Variants in ASTN2 observed in about 807,000 individuals in gnomAD.
The protein encoded by ASTN2 is astrotactin-2.
A neutral mutation model predicts 139.8 loss-of-function variants in ASTN2; 54 were observed. That is an observed-to-expected ratio of 0.39 (90% CI 0.31 to 0.48). The LOEUF (loss-of-function observed/expected upper bound fraction) is 0.48, where lower values mean the gene tolerates loss of function less well. Among genes scored for constraint, ASTN2 ranks in the 20% least tolerant of loss-of-function variants. The pLI is 0.95. For synonymous variants in ASTN2, 756 were observed against 719.5 expected, an observed-to-expected ratio of 1.05 and a Z score of -0.81; for missense variants, 1,565 against 1,725.1, an observed-to-expected ratio of 0.91 and a Z score of 1.64.
intron 4 of ASTN2, among the ~76,000 whole-genome samples, chr9:117,121,387 C>T (rs1829554120): frequency 6.6e-6 from 1 of 152,182 alleles, no homozygotes; most frequent in African/African-American, 2.4e-5. Context: ...CTGTGGCATG[C>T]CATAACATCC....
rs1856787770 is a variant in ASTN2 at position 116,632,160 on chromosome 9, G to GAGAGAGAC, written c.3073-11718_3073-11717insGTCTCTCT. Among the ~76,000 whole-genome samples the GAGAGAGAC allele has an allele frequency of 7.9e-4, 25 of 31,484 alleles. No individual in the cohort carries two copies. The South Asian group carries it at 9.6e-3, about 12-fold the overall frequency. The allele number at this position is 31,484 out of a possible 152,430, so 20.7% of individuals were successfully genotyped here. A position where few individuals can be genotyped will look rare whatever the true frequency, so the allele number is the denominator to read the frequency against. ...AGAGAGAGAGAGAGAGAGAGAGACAGAGAGAGAGAGAGAGAGAGAGAGAGG... is the reference window on the plus strand; with the variant it reads ...AGAGAGAGAGAGAGAGAGAGAGACAGAGAGAGACAGAGAGAGAGAGAGAGAGAGAGAGG... On this transcript the variant is annotated intron_variant, in intron 17 of 22. Transcript: ENST00000313400.
chr9:117,403,520 T>C (rs972387146), intron 1 of ASTN2, among the ~76,000 whole-genome samples: 1 of 152,158 alleles, frequency 6.6e-6, no homozygotes, highest in Non-Finnish European at 1.5e-5. Context: ...GACGTCTTCC[T>C]GTGCCTTCCC....
chr9:116,897,123 C>G (rs1270771074), intron 10 of ASTN2, among the ~76,000 whole-genome samples: 2 of 152,102 alleles, frequency 1.3e-5, no homozygotes, highest in African/African-American at 4.8e-5. Context: ...CACCTGCTCC[C>G]AAAAAAATAA....
intron 2 of ASTN2, among the ~76,000 whole-genome samples, chr9:117,236,311 A>T (rs896012499): frequency 5.3e-5 from 8 of 152,182 alleles, no homozygotes; most frequent in African/African-American, 1.4e-4. Flanking sequence ...CAGTCCTGGA[A>T]CAGTACTAAG....
intron 17 of ASTN2, among the ~76,000 whole-genome samples, chr9:116,635,516 T>C (rs1857032363): frequency 1.3e-5 from 2 of 152,192 alleles, no homozygotes; most frequent in South Asian, 4.1e-4. Context: ...AACCTATATA[T>C]TATCTATACC....
intron 16 of ASTN2, among the ~76,000 whole-genome samples, chr9:116,674,193 A>G (rs1197796622): frequency 2.6e-5 from 4 of 152,160 alleles, no homozygotes; most frequent in Non-Finnish European, 4.4e-5. Flanking sequence ...AGTGCTTGAG[A>G]TATTTTGCAG....
At chr9:117,165,209 G>T (rs566000710) in intron 3 of ASTN2, among the ~76,000 whole-genome samples, 1 of 152,026 alleles carries the variant, frequency 6.6e-6, no homozygotes, top group African/African-American at 2.4e-5. Context: ...TTACACTGAC[G>T]TAGAGTGTAT....
intron 19 of ASTN2, among the ~76,000 whole-genome samples, chr9:116,519,016 T>C (rs962169663): frequency 6.6e-6 from 1 of 152,048 alleles, no homozygotes; most frequent in Non-Finnish European, 1.5e-5. Context: ...CAATTACTAC[T>C]AGACCTAAGA....
intron 1 of ASTN2, among the ~76,000 whole-genome samples, chr9:117,311,957 G>C (rs1317133853): frequency 6.6e-6 from 1 of 152,138 alleles, no homozygotes; most frequent in East Asian, 1.9e-4. Context: ...AGCATGGTTA[G>C]AGGAAGCTCC....
chr9:117,310,477 C>T (rs564035159), intron 1 of ASTN2, among the ~76,000 whole-genome samples: 14 of 152,154 alleles, frequency 9.2e-5, no homozygotes, highest in Non-Finnish European at 1.9e-4. Context: ...CTTTCCTAGT[C>T]CTCATGCAGG....
intron 4 of ASTN2, among the ~76,000 whole-genome samples, chr9:117,127,510 C>T (rs4556158): frequency 6.6e-6 from 1 of 152,118 alleles, no homozygotes; most frequent in African/African-American, 2.4e-5. Flanking sequence ...CCAATGGGTT[C>T]ATCTTGTCCA....
At position 117,176,008 on chromosome 9, in the gene ASTN2, T is replaced by C. The variant is rs117035373; in HGVS notation, c.1016-34530A>G. On this transcript the variant is annotated intron_variant, in intron 3 of 22. Transcript: ENST00000313400. Reference sequence around the variant, plus strand: ...TAAATATGATTATTATCAATATTTATAAGGAACATTTACTAATCAGGTAAA... The same window carrying C: ...TAAATATGATTATTATCAATATTTACAAGGAACATTTACTAATCAGGTAAA... Among the ~76,000 whole-genome samples, 525 of 151,694 alleles carry C rather than the reference T, an allele frequency of 3.5e-3. 5 individuals carry two copies. Among genetic ancestry groups the C allele is most frequent in the Non-Finnish European group, 6.0e-3 (410 of 67,904 alleles).
intron 2 of ASTN2, 108 bp downstream of exon 2, chr9:117,291,218 G>C (rs1488768654): frequency 7.2e-7 from 1 of 1,391,386 alleles, no homozygotes; most frequent in Non-Finnish European, 9.8e-7. Flanking sequence ...AACCTCTTGA[G>C]TTTGGTTCTT....
chr9:117,130,607 T>C (rs552698259), intron 4 of ASTN2, among the ~76,000 whole-genome samples: 1 of 152,220 alleles, frequency 6.6e-6, no homozygotes, highest in African/African-American at 2.4e-5. Context: ...TTTTAAAAAG[T>C]ATATTTTGTC....
intron 13 of ASTN2, among the ~76,000 whole-genome samples, chr9:116,762,696 G>A (rs1050358367): frequency 1.1e-4 from 17 of 152,232 alleles, no homozygotes; most frequent in African/African-American, 3.9e-4. Flanking sequence ...TTATTGGAAT[G>A]CACTCACAAC....
chr9:117,001,305 C>T (rs1837184858), intron 7 of ASTN2, among the ~76,000 whole-genome samples: 1 of 152,154 alleles, frequency 6.6e-6, no homozygotes, highest in Admixed American at 6.5e-5. Context: ...ATATCAAGAC[C>T]TAAATATACA....
chr9:117,032,463 T>A (rs538470217), intron 6 of ASTN2, among the ~76,000 whole-genome samples: 105 of 152,250 alleles, frequency 6.9e-4, no homozygotes, highest in African/African-American at 2.5e-3. Context: ...AAACAAAGCC[T>A]GGGATGATTT....
chr9:116,490,764 C>T (rs1030247002), intron 19 of ASTN2, among the ~76,000 whole-genome samples: 1 of 152,000 alleles, frequency 6.6e-6, no homozygotes, highest in African/African-American at 2.4e-5. Flanking sequence ...GGTAACCACC[C>T]CCATAATCTA....
chr9:116,917,564 C>G (rs138761724), intron 10 of ASTN2, among the ~76,000 whole-genome samples: 21 of 152,326 alleles, frequency 1.4e-4, no homozygotes, highest in African/African-American at 4.6e-4. Flanking sequence ...TTCCTCATAA[C>G]TTGTTAGAAA....
Sources: allele counts gnomAD v4.1 joint callset (sites outside exome capture counted in the v4.1 genomes callset), GRCh38; gene constraint gnomAD v4.1.1; transcripts MANE v1.5; gene names NCBI Gene and HGNC (gene_info 2026-07-23, HGNC 2026-07-21).